Variants in SEMA3A observed in about 807,000 individuals in gnomAD.
SEMA3A encodes semaphorin 3A.
Under a neutral mutation model 97.9 loss-of-function variants are expected in SEMA3A, and 29 were observed. The ratio of observed to expected loss-of-function variants is 0.30; its 90% CI spans 0.22 to 0.40. SEMA3A has a LOEUF of 0.40. SEMA3A is among the 10% of genes least tolerant of loss of function. The probability of loss-of-function intolerance (pLI) is 1.00; values close to 1 mark genes in which losing one functional copy is unlikely to be tolerated. For missense variants in SEMA3A, 763 were observed against 951.3 expected (o/e 0.80, Z 2.60); for synonymous variants, 321 against 323.7 (o/e 0.99, Z 0.09).
At position 84,351,563 on chromosome 7, in the gene SEMA3A, C is replaced by A. The variant is rs555950254; in HGVS notation, c.-169+20261G>T. On this transcript the variant is annotated intron_variant, in intron 2 of 3. Transcript: ENST00000424555. ...ATCAAATTCAAAAATGGATAAATAT[C>A]TGAATAGATATTTTTCAAAAGAAGA... Among the ~76,000 whole-genome samples, 33 of 151,872 alleles carry A rather than the reference C, an allele frequency of 2.2e-4. No homozygotes were observed. In the South Asian group the frequency reaches 6.7e-3, roughly 31 times the overall value.
chr7:84,481,986 T>A (rs1274771925), intron 1 of SEMA3A, among the ~76,000 whole-genome samples: 4 of 151,704 alleles, frequency 2.6e-5, no homozygotes, highest in African/African-American at 9.7e-5. Flanking sequence ...GTACATATCT[T>A]TTTAAGAGTA....
intron 3 of SEMA3A, among the ~76,000 whole-genome samples, chr7:84,281,504 G>T (rs2115744249): frequency 6.6e-6 from 1 of 152,296 alleles, no homozygotes; most frequent in South Asian, 2.1e-4. Flanking sequence ...GGATTAGATA[G>T]AGATGACCCA....
At chr7:84,362,514 C>T (rs770418266) in intron 2 of SEMA3A, among the ~76,000 whole-genome samples, 23 of 152,070 alleles carry the variant, frequency 1.5e-4, no homozygotes, top group South Asian at 4.1e-4. Flanking sequence ...CAATGAATGA[C>T]GGTGAGCAAA....
chr7:84,461,319 C>G (rs1220877267), intron 1 of SEMA3A, among the ~76,000 whole-genome samples: 1 of 152,098 alleles, frequency 6.6e-6, no homozygotes, highest in Non-Finnish European at 1.5e-5. Flanking sequence ...CCTGCTGTGT[C>G]CCTCCAGGAA....
rs74379211 is a variant in SEMA3A at position 84,426,942 on chromosome 7, G to T, written c.-245-55042C>A. Among the ~76,000 whole-genome samples, 4 of 151,970 alleles carry T rather than the reference G, an allele frequency of 2.6e-5. No homozygotes were observed. In the South Asian group the frequency reaches 8.3e-4, roughly 32 times the overall value. On this transcript the variant is annotated intron_variant, in intron 1 of 3. Coordinates refer to the SEMA3A transcript ENST00000424555. The stretch of plus-strand genomic sequence containing the variant: ...TAAAGTAAAATGTTAGCAAATTAAC[G>T]TATTACAGTATTTATGTACATTCTC...
intron 2 of SEMA3A, among the ~76,000 whole-genome samples, chr7:84,360,738 A>G (rs1466281889): frequency 6.6e-6 from 1 of 152,008 alleles, no homozygotes; most frequent in African/African-American, 2.4e-5. Context: ...AGAGTAAACC[A>G]TACATTTTGG....
At chr7:84,349,006 A>G (rs1802374009) in intron 2 of SEMA3A, among the ~76,000 whole-genome samples, 1 of 152,094 alleles carries the variant, frequency 6.6e-6, no homozygotes. Context: ...CTATATTTTT[A>G]TTTCAGTAGT....
chr7:84,224,731 G>A (rs935956542), intron 3 of SEMA3A, among the ~76,000 whole-genome samples: 3 of 152,004 alleles, frequency 2.0e-5, no homozygotes, highest in Admixed American at 6.6e-5. Flanking sequence ...ATCACCCACT[G>A]GGAAGTAGGT....
intron 1 of SEMA3A, among the ~76,000 whole-genome samples, chr7:84,446,885 C>T (rs1273075786): frequency 2.6e-5 from 4 of 152,120 alleles, no homozygotes; most frequent in East Asian, 3.9e-4. Context: ...CAGGTGGGAG[C>T]CCCACCTGCT....
At chr7:84,074,583 A>G (rs1793870092) in intron 4 of SEMA3A, among the ~76,000 whole-genome samples, 1 of 152,114 alleles carries the variant, frequency 6.6e-6, no homozygotes, top group Non-Finnish European at 1.5e-5. Context: ...AGGTACTACA[A>G]TTAATTGAAA....
chr7:84,060,188 C>T (rs1793156522), intron 5 of SEMA3A, among the ~76,000 whole-genome samples: 1 of 152,162 alleles, frequency 6.6e-6, no homozygotes. Flanking sequence ...CACAATGGGT[C>T]TCTGCCAACT....
chr7:84,389,173 T>C (rs1046068819), intron 1 of SEMA3A, among the ~76,000 whole-genome samples: 1 of 152,064 alleles, frequency 6.6e-6, no homozygotes, highest in Non-Finnish European at 1.5e-5. Flanking sequence ...AAGAAAAGCA[T>C]GGTGGGAATT....
chr7:84,267,764 A>G (rs1313451378), intron 3 of SEMA3A, among the ~76,000 whole-genome samples: 2 of 152,140 alleles, frequency 1.3e-5, no homozygotes, highest in Non-Finnish European at 2.9e-5. Flanking sequence ...TAACACACAT[A>G]TGCAAACACA....
At chr7:84,153,988 T>C (rs1331102308) in intron 1 of SEMA3A, among the ~76,000 whole-genome samples, 1 of 152,044 alleles carries the variant, frequency 6.6e-6, no homozygotes, top group Non-Finnish European at 1.5e-5. Context: ...AATAAAGGGT[T>C]CCATGAGAAA....
chr7:84,038,260 C>A (rs193297888), intron 6 of SEMA3A, among the ~76,000 whole-genome samples: 3 of 151,882 alleles, frequency 2.0e-5, no homozygotes, highest in African/African-American at 4.8e-5. Context: ...GTTTTCCCTA[C>A]GCCACTTTGA....
intron 2 of SEMA3A, among the ~76,000 whole-genome samples, chr7:84,367,504 T>G (rs938806603): frequency 2.0e-5 from 3 of 150,896 alleles, no homozygotes; most frequent in African/African-American, 7.3e-5. Flanking sequence ...TCTCTTGATA[T>G]TCAAATGACA....
intron 1 of SEMA3A, among the ~76,000 whole-genome samples, chr7:84,162,532 T>C (rs1797066556): frequency 6.6e-6 from 1 of 152,044 alleles, no homozygotes; most frequent in South Asian, 2.1e-4. Flanking sequence ...AGGATGACTC[T>C]GATTCTAAGT....
chr7:84,394,180 T>C (rs941710348), intron 1 of SEMA3A, among the ~76,000 whole-genome samples: 2 of 152,046 alleles, frequency 1.3e-5, no homozygotes, highest in African/African-American at 4.8e-5. Context: ...AGGTATGTTG[T>C]AGTTTTAATT....
intron 3 of SEMA3A, among the ~76,000 whole-genome samples, chr7:84,240,163 G>T (rs1420809501): frequency 6.6e-6 from 1 of 152,110 alleles, no homozygotes; most frequent in Non-Finnish European, 1.5e-5. Context: ...GGAGAGTAAA[G>T]ATGGGAGAGA....
Sources: allele counts gnomAD v4.1 joint callset (sites outside exome capture counted in the v4.1 genomes callset), GRCh38; gene constraint gnomAD v4.1.1; transcripts MANE v1.5; gene names NCBI Gene and HGNC (gene_info 2026-07-23, HGNC 2026-07-21).